PIWIL4: variants seen among roughly 807,000 people sequenced by gnomAD.
The protein encoded by PIWIL4 is piwi-like protein 4.
A neutral mutation model predicts 100.9 loss-of-function variants in PIWIL4; 50 were observed. The observed-to-expected ratio is 0.50, with a 90% CI of 0.39 to 0.63. The LOEUF (loss-of-function observed/expected upper bound fraction) is 0.63, where lower values mean the gene tolerates loss of function less well. Among genes scored for constraint, PIWIL4 ranks in the 20% least tolerant of loss-of-function variants. The pLI is 0.00. For synonymous variants in PIWIL4, 342 were observed against 367.5 expected (o/e 0.93, Z 0.79); for missense variants, 887 against 1,043.3 (o/e 0.85, Z 2.06).
intron 13 of PIWIL4, among the ~76,000 whole-genome samples, chr11:94,606,220 A>G (rs989291591): frequency 6.6e-6 from 1 of 152,138 alleles, no homozygotes; most frequent in Non-Finnish European, 1.5e-5. Context: ...CTCTCAGCCC[A>G]TTGGGCCACT....
chr11:94,607,789 T>G (rs1591801009), intron 14 of PIWIL4, 150 bp downstream of exon 14: 19 of 811,590 alleles, frequency 2.3e-5, no homozygotes, highest in Non-Finnish European at 3.2e-5. Flanking sequence ...TAAGCCATTG[T>G]GAATCTCCAA....
chr11:94,620,628 A>G (rs1948895348), intron 19 of PIWIL4, among the ~76,000 whole-genome samples: 1 of 152,170 alleles, frequency 6.6e-6, no homozygotes, highest in Non-Finnish European at 1.5e-5. Context: ...CAGGACAAAG[A>G]CTAGTCTGAA....
In PIWIL4 at chr11:94,582,926, C is replaced by T. The variant is rs564396369; in HGVS notation, c.514-522C>T. Among the ~76,000 whole-genome samples, 57 of 152,206 alleles carry T rather than the reference C, an allele frequency of 3.7e-4. No homozygotes were observed. The South Asian group carries it at 0.012, about 31-fold the overall frequency. The stretch of plus-strand genomic sequence containing the variant: ...TAAACAGACTTTGGGAGGCTGTCCT[C>T]TGGAATCCATGAACTTGGGATGGGC... On this transcript the variant is annotated intron_variant, in intron 4 of 19. Coordinates refer to ENST00000299001, the MANE Select transcript of PIWIL4 (RefSeq NM_152431.3).
chr11:94,608,242 T>G (rs988038724), intron 14 of PIWIL4: 4 of 206,810 alleles, frequency 1.9e-5, no homozygotes, highest in South Asian at 2.1e-4. Context: ...GGAATTCCTC[T>G]TCAGATTGCT....
chr11:94,595,485 T>C (rs1015714), intron 10 of PIWIL4, 59 bp downstream of exon 10: 67,319 of 1,272,198 alleles, frequency 0.053, 1,952 homozygotes, highest in Middle Eastern at 0.075. Flanking sequence ...AGATGGCCTA[T>C]GTAACACTGA....
intron 7 of PIWIL4, among the ~76,000 whole-genome samples, chr11:94,588,684 T>C (rs4354655): frequency 0.5 from 76,563 of 152,094 alleles, 21,189 homozygotes; most frequent in African/African-American, 0.75. Context: ...TTAAGCAAGA[T>C]GCCAGCATTG....
chr11:94,574,883 G>T, intron 2 of PIWIL4, 116 bp from the exon 3 acceptor site: 2 of 1,071,958 alleles, frequency 1.9e-6, no homozygotes, highest in Non-Finnish European at 2.7e-6. Context: ...CAGCAATATG[G>T]GCAAACTGTA....
chr11:94,616,493 G>T lies in PIWIL4; in HGVS notation c.1944G>T (p.Arg648Ser). The T allele has an allele frequency of 1.3e-6, 2 of 1,589,326 alleles. No homozygotes were observed. Among genetic ancestry groups the T allele is most frequent in the Non-Finnish European group, 1.7e-6 (2 of 1,171,536 alleles). Residue 648 changes from arginine to serine, a missense_variant and splice_region_variant, in exon 16 of 20, where the codon AGG becomes AGT. Coordinates refer to ENST00000299001, the MANE Select transcript of PIWIL4 (RefSeq NM_152431.3). ...CTTTTATTTTTTTTTTTAACTTTAG[G>T]TGGTTTTCCCGCTGTATCCTTCAGA... ...CVASVNPRIT[R>S]WFSRCILQRT...
At chr11:94,595,808 T>TA (rs1280485623) in intron 10 of PIWIL4, among the ~76,000 whole-genome samples, 5 of 152,236 alleles carry the variant, frequency 3.3e-5, no homozygotes, top group Non-Finnish European at 7.3e-5. Context: ...GCTCAGCTCT[T>TA]ACTACAATGG....
At position 94,585,633 on chromosome 11, in the gene PIWIL4, T is replaced by C. The variant is rs879122462; in HGVS notation, c.716+108T>C. ...GCCTCCTGTGAGAGACTCTGTGATA[T>C]GAAATGTAATGAATTTTTTATAATT... On this transcript the variant is annotated intron_variant, in intron 6 of 19. Transcript: ENST00000299001. 2.2e-5 allele frequency: 16 copies of C among 714,336 alleles called. No individual in the cohort carries two copies. In the South Asian group the frequency reaches 3.7e-4, roughly 17 times the overall value. 44.2% of individuals were successfully genotyped at this position (714,336 alleles called of 1,614,324 possible).
intron 15 of PIWIL4, among the ~76,000 whole-genome samples, chr11:94,614,491 TAG>T (rs1948824042): frequency 1.3e-5 from 2 of 151,984 alleles, no homozygotes; most frequent in Admixed American, 6.6e-5. Context: ...GTATTTTTAG[TAG>T]AGTCAGGGTT....
At chr11:94,615,667 C>A (rs915048910) in intron 15 of PIWIL4, among the ~76,000 whole-genome samples, 2 of 152,084 alleles carry the variant, frequency 1.3e-5, no homozygotes, top group African/African-American at 4.8e-5. Flanking sequence ...TGCTTTGTTG[C>A]CCAGGCTGGA....
chr11:94,572,636 C>T (rs1472346952), intron 2 of PIWIL4, among the ~76,000 whole-genome samples: 1 of 152,160 alleles, frequency 6.6e-6, no homozygotes, highest in African/African-American at 2.4e-5. Flanking sequence ...CTGTTCTATT[C>T]CATTGATCTA....
chr11:94,614,393 T>A (rs1417158675), intron 15 of PIWIL4, among the ~76,000 whole-genome samples: 1 of 149,494 alleles, frequency 6.7e-6, no homozygotes, highest in East Asian at 2.0e-4. Context: ...CTGAAACCTC[T>A]GCCTCCCAGG....
At chr11:94,606,378 A>C (rs1324685534) in intron 13 of PIWIL4, among the ~76,000 whole-genome samples, 1 of 152,198 alleles carries the variant, frequency 6.6e-6, no homozygotes, top group Non-Finnish European at 1.5e-5. Context: ...TGACATTGTG[A>C]CTTTAAATAA....
At chr11:94,581,964 G>A (rs1411710135) in intron 4 of PIWIL4, among the ~76,000 whole-genome samples, 1 of 152,194 alleles carries the variant, frequency 6.6e-6, no homozygotes, top group Non-Finnish European at 1.5e-5. Context: ...CATTCCTGGT[G>A]TAGATACAAT....
Position 94,585,478 on chromosome 11 carries a change from A to G in PIWIL4, c.669A>G (p.Gly223=). Residue 223 remains glycine, a synonymous_variant, in exon 6 of 20, where the codon GGA becomes GGG. Coordinates refer to ENST00000299001, the MANE Select transcript of PIWIL4 (RefSeq NM_152431.3). ...ILKKLSMYQI[G]RNFYNPSEPM... ...AAAAGTTGTCCATGTACCAAATTGG[A>G]CGGAACTTCTATAATCCTTCAGAGC... 1 of 1,610,540 alleles carries G rather than the reference A, an allele frequency of 6.2e-7. No individual in the cohort carries two copies.
At chr11:94,613,044 AC>A (rs998473105) in intron 15 of PIWIL4, among the ~76,000 whole-genome samples, 1 of 152,166 alleles carries the variant, frequency 6.6e-6, no homozygotes, top group African/African-American at 2.4e-5. Flanking sequence ...TGATATACTT[AC>A]CTATATTAGT....
chr11:94,601,713 G>A, intron 11 of PIWIL4, 82 bp from the exon 12 acceptor site: 1 of 1,338,688 alleles, frequency 7.5e-7, no homozygotes, highest in Non-Finnish European at 1.1e-6. Flanking sequence ...TATAACAAAA[G>A]TTGGCCATCT....
Sources: allele counts gnomAD v4.1 joint callset (sites outside exome capture counted in the v4.1 genomes callset), GRCh38; gene constraint gnomAD v4.1.1; transcripts MANE v1.5; gene names NCBI Gene and HGNC (gene_info 2026-07-23, HGNC 2026-07-21).